The following NFX1 variants were observed in gnomAD, a reference collection of about 807,000 sequenced individuals.
The protein encoded by NFX1 is nuclear transcription factor, X-box binding 1.
A neutral mutation model predicts 137.2 loss-of-function variants in NFX1; 69 were observed. The observed-to-expected ratio is 0.50, with a 90% confidence interval of 0.41 to 0.61. The LOEUF is 0.61. Among genes scored for constraint, NFX1 ranks in the 20% least tolerant of loss-of-function variants. NFX1 has a pLI of 0.00. For missense variants in NFX1, 1,167 were observed against 1,391.0 expected, an observed-to-expected ratio of 0.84 and a Z score of 2.56; for synonymous variants, 495 against 474.1, an observed-to-expected ratio of 1.04 and a Z score of -0.57.
chr9:33,294,615 A>G lies in NFX1; in HGVS notation c.221A>G (p.His74Arg). The G allele has an allele frequency of 1.9e-6, 3 of 1,614,188 alleles. No homozygotes were observed. Among genetic ancestry groups the G allele is most frequent in the Non-Finnish European group, 2.5e-6 (3 of 1,180,040 alleles). The change falls in exon 2 of 24, where the codon CAT becomes CGT. Residue 74 changes from histidine to arginine, a missense_variant. By Grantham distance (29) the His-to-Arg change is conservative. Coordinates refer to ENST00000379540, the MANE Select transcript of NFX1 (RefSeq NM_002504.6). ...TCTGCTGTTCATCAGCATAGTTATCATCCGTCAGGAAGCAAACCTAAGAGT... is the reference window on the plus strand; with the variant it reads ...TCTGCTGTTCATCAGCATAGTTATCGTCCGTCAGGAAGCAAACCTAAGAGT... ...EISAVHQHSYHPSGSKPKSQQ... is the reference protein window; with the variant it reads ...EISAVHQHSYRPSGSKPKSQQ...
chr9:33,297,048 C>T (rs1449364793), intron 2 of NFX1, among the ~76,000 whole-genome samples: 2 of 152,196 alleles, frequency 1.3e-5, no homozygotes, highest in South Asian at 2.1e-4. Context: ...TCTTTCCTTT[C>T]CTTCCTATCC....
intron 7 of NFX1, among the ~76,000 whole-genome samples, chr9:33,317,543 AAATC>A (rs1395396276): frequency 3.3e-5 from 5 of 149,728 alleles, no homozygotes; most frequent in African/African-American, 1.2e-4. Context: ...TAAAAAAAAA[AAATC>A]AAGGCAGGCA....
At chr9:33,316,336 C>G (rs1031682492) in intron 7 of NFX1, among the ~76,000 whole-genome samples, 3 of 147,326 alleles carry the variant, frequency 2.0e-5, no homozygotes, top group Non-Finnish European at 4.5e-5. Context: ...GGATCTCGTT[C>G]TGTCATCCAG....
chr9:33,349,587 G>A (rs1227445548), intron 15 of NFX1, among the ~76,000 whole-genome samples: 5 of 152,054 alleles, frequency 3.3e-5, no homozygotes, highest in African/African-American at 1.2e-4. Flanking sequence ...CATTTCGAGG[G>A]TTCAAGACTA....
intron 7 of NFX1, 105 bp from the exon 8 acceptor site, chr9:33,318,626 C>G: frequency 9.7e-7 from 1 of 1,028,688 alleles, no homozygotes; most frequent in South Asian, 1.4e-5. Context: ...CAGGCATGAG[C>G]GACTGTGCCA....
chr9:33,301,163 A>G, intron 2 of NFX1, 100 bp from the exon 3 acceptor site: 1 of 1,102,744 alleles, frequency 9.1e-7, no homozygotes, highest in Non-Finnish European at 1.3e-6. Context: ...CTGTGTTTGG[A>G]TTCTTCTCTT....
intron 6 of NFX1, among the ~76,000 whole-genome samples, chr9:33,313,132 T>G (rs2118330309): frequency 6.6e-6 from 1 of 152,290 alleles, no homozygotes; most frequent in East Asian, 1.9e-4. Flanking sequence ...CCAGATCTTC[T>G]AACTCCTCAC....
chr9:33,324,528 C>T (rs1431377355), intron 9 of NFX1, among the ~76,000 whole-genome samples: 8 of 151,922 alleles, frequency 5.3e-5, no homozygotes, highest in Non-Finnish European at 7.4e-5. Context: ...TTCAGGTGGG[C>T]AAGAAAGCAA....
intron 5 of NFX1, among the ~76,000 whole-genome samples, chr9:33,308,360 T>G (rs1821836699): frequency 6.6e-6 from 1 of 152,168 alleles, no homozygotes; most frequent in Non-Finnish European, 1.5e-5. Context: ...GAGGATCATT[T>G]GAGTCCAGGA....
chr9:33,293,952 G>A (rs918706692), intron 1 of NFX1, among the ~76,000 whole-genome samples: 3 of 152,176 alleles, frequency 2.0e-5, no homozygotes, highest in Admixed American at 1.3e-4. Flanking sequence ...AAGCAGGCAC[G>A]TGATATCCCT....
chr9:33,292,885 A>T (rs1481417216), intron 1 of NFX1, among the ~76,000 whole-genome samples: 2 of 152,216 alleles, frequency 1.3e-5, no homozygotes, highest in Non-Finnish European at 2.9e-5. Flanking sequence ...CACTGGTCCA[A>T]TTTAACCATT....
intron 17 of NFX1, among the ~76,000 whole-genome samples, chr9:33,353,592 GAATAT>G (rs749653888): frequency 5.2e-4 from 79 of 150,686 alleles, no homozygotes; most frequent in Non-Finnish European, 9.2e-4. Context: ...TAGCTGCTTT[GAATAT>G]AATTGAAGAG....
intron 9 of NFX1, among the ~76,000 whole-genome samples, chr9:33,326,119 G>T (rs868644904): frequency 6.6e-6 from 1 of 152,064 alleles, no homozygotes; most frequent in South Asian, 2.1e-4. Context: ...GGTAAATTTT[G>T]TATAAGAGGG....
At chr9:33,318,529 G>A (rs968077038) in intron 7 of NFX1, among the ~76,000 whole-genome samples, 36 of 152,290 alleles carry the variant, frequency 2.4e-4, no homozygotes, top group Admixed American at 1.6e-3. Context: ...CTATGGTAAA[G>A]CTCTTAGGCG....
intron 6 of NFX1, among the ~76,000 whole-genome samples, chr9:33,313,441 AAAAC>A (rs2118333318): frequency 6.6e-6 from 1 of 152,104 alleles, no homozygotes; most frequent in Admixed American, 6.5e-5. Context: ...AAAAAAAACA[AAAAC>A]AAAAACAGAA....
intron 11 of NFX1, among the ~76,000 whole-genome samples, chr9:33,334,516 T>C (rs138464568): frequency 0.018 from 2,772 of 152,196 alleles, 49 homozygotes; most frequent in Non-Finnish European, 0.029. Flanking sequence ...AATACACTTA[T>C]GAAGTTTAAA....
chr9:33,293,504 C>T (rs890522713), intron 1 of NFX1, among the ~76,000 whole-genome samples: 2 of 152,204 alleles, frequency 1.3e-5, no homozygotes, highest in African/African-American at 2.4e-5. Flanking sequence ...ATCTTCATTA[C>T]ATGTAAGGAA....
At chr9:33,337,563 A>G (rs1823053044) in intron 11 of NFX1, among the ~76,000 whole-genome samples, 1 of 152,128 alleles carries the variant, frequency 6.6e-6, no homozygotes, top group South Asian at 2.1e-4. Flanking sequence ...GTGAAAATTG[A>G]TATTTTAATA....
At chr9:33,307,407 A>G in intron 5 of NFX1, 108 bp downstream of exon 5, 1 of 880,548 alleles carries the variant, frequency 1.1e-6, no homozygotes, top group Non-Finnish European at 1.8e-6. Context: ...GAAGGGTGAT[A>G]TGGGACCTCA....
Sources: gnomAD v4.1 joint callset for allele counts (sites outside exome capture counted in the v4.1 genomes callset) on GRCh38, gnomAD v4.1.1 for gene constraint, MANE v1.5 for transcripts, NCBI Gene and HGNC (gene_info 2026-07-23, HGNC 2026-07-21) for gene names.